The following CDH13 variants were observed in gnomAD, a reference collection of about 807,000 sequenced individuals.
CDH13 encodes the protein cadherin 13.
A neutral mutation model predicts 63.8 loss-of-function variants in CDH13; 24 were observed. The observed-to-expected ratio is 0.38, with a 90% CI of 0.27 to 0.53. The LOEUF (loss-of-function observed/expected upper bound fraction) is 0.53, where lower values mean the gene tolerates loss of function less well. Among genes scored for constraint, CDH13 ranks in the 20% least tolerant of loss-of-function variants. CDH13 has a pLI of 0.85. For missense variants in CDH13, 1,049 were observed against 903.1 expected (o/e 1.16, Z -2.07); for synonymous variants, 503 against 355.3 (o/e 1.42, Z -4.67).
intron 7 of CDH13, among the ~76,000 whole-genome samples, chr16:83,533,602 G>A (rs1052928840): frequency 6.7e-6 from 1 of 149,068 alleles, no homozygotes; most frequent in African/African-American, 2.5e-5. Context: ...GAGGATTTAA[G>A]TATAATTTAC....
chr16:83,198,554 A>G (rs1311322258), intron 4 of CDH13, among the ~76,000 whole-genome samples: 1 of 152,196 alleles, frequency 6.6e-6, no homozygotes, highest in Non-Finnish European at 1.5e-5. Context: ...ATCTTGATGG[A>G]TAGTTCAAAA....
chr16:83,360,438 C>T (rs1470881874), intron 6 of CDH13, among the ~76,000 whole-genome samples: 1 of 151,412 alleles, frequency 6.6e-6, no homozygotes, highest in Non-Finnish European at 1.5e-5. Flanking sequence ...CATGGTAGAT[C>T]TATTTTTTAT....
At chr16:82,734,114 A>G (rs2033546769) in intron 1 of CDH13, among the ~76,000 whole-genome samples, 3 of 152,228 alleles carry the variant, frequency 2.0e-5, no homozygotes, top group African/African-American at 7.2e-5. Flanking sequence ...TGCAGGAACC[A>G]CAGGACCATC....
At chr16:83,468,736 A>G (rs1405190756) in intron 6 of CDH13, among the ~76,000 whole-genome samples, 1 of 152,190 alleles carries the variant, frequency 6.6e-6, no homozygotes, top group African/African-American at 2.4e-5. Flanking sequence ...TGAGCTGCCT[A>G]TAAATCATCG....
chr16:82,773,335 A>T (rs144388551), intron 1 of CDH13: 182 of 152,316 alleles, frequency 1.2e-3, no homozygotes, highest in African/African-American at 3.9e-3. Flanking sequence ...CCCTGGATTG[A>T]TGTAGTAGCC....
chr16:83,139,862 C>A (rs899346845), intron 4 of CDH13, among the ~76,000 whole-genome samples: 5 of 151,998 alleles, frequency 3.3e-5, no homozygotes, highest in Non-Finnish European at 1.5e-5. Context: ...ATTAGTTAGG[C>A]ATGGTGGTGC....
chr16:82,863,591 T>C (rs1012033254), intron 2 of CDH13, among the ~76,000 whole-genome samples: 2 of 152,240 alleles, frequency 1.3e-5, no homozygotes, highest in African/African-American at 2.4e-5. Flanking sequence ...CTAGAGCTAA[T>C]GCCTCAACTG....
At chr16:83,338,318 G>A (rs1027172783) in intron 5 of CDH13, among the ~76,000 whole-genome samples, 1 of 152,150 alleles carries the variant, frequency 6.6e-6, no homozygotes, top group African/African-American at 2.4e-5. Flanking sequence ...ACTGTCAGCT[G>A]TAATATGCCG....
intron 8 of CDH13, among the ~76,000 whole-genome samples, chr16:83,604,657 A>G (rs760074925): frequency 2.0e-5 from 3 of 152,128 alleles, no homozygotes; most frequent in Non-Finnish European, 1.5e-5. Context: ...GTTTCATGGA[A>G]TGTTCACTGG....
chr16:83,405,404 G>A (rs11647481), intron 6 of CDH13, among the ~76,000 whole-genome samples: 41 of 152,184 alleles, frequency 2.7e-4, no homozygotes, highest in African/African-American at 9.9e-4. Context: ...TAACCACAAG[G>A]GTCCTTATAA....
At chr16:83,478,623 G>A (rs888084968) in intron 6 of CDH13, among the ~76,000 whole-genome samples, 1 of 152,144 alleles carries the variant, frequency 6.6e-6, no homozygotes, top group African/African-American at 2.4e-5. Flanking sequence ...GGGTTACAAA[G>A]CCAAATCTCC....
intron 5 of CDH13, among the ~76,000 whole-genome samples, chr16:83,299,309 A>G (rs904310684): frequency 5.4e-5 from 8 of 147,822 alleles, no homozygotes; most frequent in South Asian, 4.3e-4. Context: ...AAAAAAAAAG[A>G]TGAATTCCCC....
intron 10 of CDH13, among the ~76,000 whole-genome samples, chr16:83,706,672 AG>A (rs1907108671): frequency 6.6e-6 from 1 of 152,200 alleles, no homozygotes; most frequent in Admixed American, 6.5e-5. Flanking sequence ...TATGAAGAGA[AG>A]AAAACACATA....
chr16:82,781,918 C>T (rs751080474), intron 1 of CDH13, among the ~76,000 whole-genome samples: 1 of 152,174 alleles, frequency 6.6e-6, no homozygotes, highest in South Asian at 2.1e-4. Context: ...GCTGTGGGAA[C>T]TCTAAAGAAA....
Position 83,435,457 on chromosome 16 carries a change from C to G in CDH13, c.782-51020C>G, listed in dbSNP as rs112300042. 6.1e-3 allele frequency among the ~76,000 whole-genome samples: 927 copies of G among 152,256 alleles called. 3 individuals carry two copies. Among genetic ancestry groups the G allele is most frequent in the Non-Finnish European group, 0.01 (695 of 68,002 alleles). On this transcript the variant is annotated intron_variant, in intron 6 of 13. Transcript: ENST00000567109. Reference sequence around the variant, plus strand: ...GCTCCCCGTTGCCCCAAAGCAACATCTAACTCTGATGTGGTCCAGCCCTGC... The same window carrying G: ...GCTCCCCGTTGCCCCAAAGCAACATGTAACTCTGATGTGGTCCAGCCCTGC...
rs115324750 is a variant in CDH13, at chr16:83,010,989, C to T, written c.158-21021C>T. On this transcript the variant is annotated intron_variant, in intron 2 of 13. Transcript: ENST00000567109. Reference sequence around the variant, plus strand: ...TAGTTCACACTTCTAATGCGTAGAACATGCAACATCGTCGCCTAATTTTAA... The same window carrying T: ...TAGTTCACACTTCTAATGCGTAGAATATGCAACATCGTCGCCTAATTTTAA... Among the ~76,000 whole-genome samples the T allele has an allele frequency of 4.3e-3, 650 of 152,306 alleles. 4 individuals carry two copies. Among genetic ancestry groups the T allele is most frequent in the African/African-American group, 0.012 (489 of 41,566 alleles).
chr16:82,823,799 A>G (rs1364674613), intron 1 of CDH13: 2 of 152,186 alleles, frequency 1.3e-5, no homozygotes, highest in Non-Finnish European at 2.9e-5. Flanking sequence ...CAGATATAAG[A>G]CCAGCGAGAT....
At chr16:83,169,721 T>C (rs2037842617) in intron 4 of CDH13, among the ~76,000 whole-genome samples, 1 of 152,118 alleles carries the variant, frequency 6.6e-6, no homozygotes, top group African/African-American at 2.4e-5. Flanking sequence ...GCCTTTCTTT[T>C]ATGCCAGCTA....
intron 2 of CDH13, among the ~76,000 whole-genome samples, chr16:82,876,046 C>G (rs1237577015): frequency 6.6e-6 from 1 of 152,200 alleles, no homozygotes; most frequent in African/African-American, 2.4e-5. Flanking sequence ...TTAAAATCAT[C>G]AGCTCTCATG....
Sources: gnomAD v4.1 joint callset for allele counts (sites outside exome capture counted in the v4.1 genomes callset) on GRCh38, gnomAD v4.1.1 for gene constraint, MANE v1.5 for transcripts, NCBI Gene and HGNC (gene_info 2026-07-23, HGNC 2026-07-21) for gene names.